Variants in WIPI2 observed in about 807,000 individuals in gnomAD.
The protein encoded by WIPI2 is WD repeat domain phosphoinositide-interacting protein 2.
WIPI2 carries 28 observed loss-of-function variants against 52.3 expected under a neutral mutation model. The observed-to-expected ratio is 0.54, with a 90% CI of 0.40 to 0.73. The LOEUF (loss-of-function observed/expected upper bound fraction) is 0.73. Among genes scored for constraint, WIPI2 ranks in the 30% least tolerant of loss-of-function variants. The pLI is 0.00. For synonymous variants in WIPI2, 268 were observed against 245.0 expected, an observed-to-expected ratio of 1.09 and a Z score of -0.88; for missense variants, 506 against 602.9, an observed-to-expected ratio of 0.84 and a Z score of 1.68.
chr7:5,216,592 G>A lies in WIPI2; in HGVS notation c.411G>A (p.Leu137=). 1.9e-6 allele frequency: 3 copies of A among 1,614,182 alleles called. No homozygotes were observed. Among genetic ancestry groups the A allele is most frequent in the South Asian group, 1.1e-5 (1 of 91,082 alleles). The change falls in exon 5 of 13, where the codon CTG becomes CTA. Residue 137 remains leucine, a synonymous_variant. Transcript: ENST00000288828. ...TGATAGTATGCCTGGAGGAGTCCCT[G>A]TACATCCACAACATTCGGGACATGA... is the stretch of plus-strand genomic sequence containing the variant. ...QRLIVCLEES[L]YIHNIRDMKV...
At chr7:5,209,077 C>G (rs1180062697) in intron 3 of WIPI2, among the ~76,000 whole-genome samples, 1 of 103,332 alleles carries the variant, frequency 9.7e-6, no homozygotes, top group East Asian at 3.0e-4. Flanking sequence ...ATTCCTAATA[C>G]TTTGGATTTT....
Position 5,231,615 on chromosome 7 carries a change from TAAA to T in WIPI2, c.*671_*673del, listed in dbSNP as rs1783727321. 1 of 152,404 alleles carries T rather than the reference TAAA, an allele frequency of 6.6e-6. No individual in the cohort carries two copies. Among genetic ancestry groups the T allele is most frequent in the African/African-American group, 2.4e-5 (1 of 41,478 alleles). The allele number at this position is 152,404 out of a possible 1,614,324, so 9.4% of individuals were successfully genotyped here. A position where few individuals can be genotyped will look rare whatever the true frequency, so the allele number is the denominator to read the frequency against. ...AGGACAGCGAGGTTCTTTCTGATAC[TAAA>T]AACCTTTCTTTCAGGCAGCAAATGA... On this transcript the variant is annotated 3_prime_UTR_variant, in exon 13 of 13. Coordinates refer to ENST00000288828, the MANE Select transcript of WIPI2 (RefSeq NM_015610.4).
rs115752129 is a variant in WIPI2 at position 5,226,929 on chromosome 7, C to T, written c.849-251C>T. On this transcript the variant is annotated intron_variant, in intron 9 of 12. Coordinates refer to ENST00000288828, the MANE Select transcript of WIPI2 (RefSeq NM_015610.4). The stretch of plus-strand genomic sequence containing the variant: ...AAAGGGGATGTGTGGTCAGCTGCCA[C>T]GTCTTGTCCGTGGCCAAAGGCTGTA... 1.4e-3 allele frequency: 701 copies of T among 509,084 alleles called. 7 individuals carry two copies. The highest frequency in any genetic ancestry group is 0.011 in the African/African-American group (557 of 51,926). 31.5% of individuals were successfully genotyped at this position (509,084 alleles called of 1,614,324 possible).
chr7:5,230,999 G>T lies in WIPI2; in HGVS notation c.*52G>T. ...GAGCAGAGAACACTGGCTTCACAGA[G>T]GACTTTGTGCATTGCTGCTATGAAC... On this transcript the variant is annotated 3_prime_UTR_variant, in exon 13 of 13. Coordinates refer to ENST00000288828, the MANE Select transcript of WIPI2 (RefSeq NM_015610.4). The surrounding 1 kb of genome is among the most constrained non-coding windows in gnomAD (Gnocchi z 4.8). 1 of 1,519,530 alleles carries T rather than the reference G, an allele frequency of 6.6e-7. No homozygotes were observed. The highest frequency in any genetic ancestry group is 9.0e-7 in the Non-Finnish European group (1 of 1,113,166). The allele number at this position is 1,519,530 out of a possible 1,614,324, so 94.1% of individuals were successfully genotyped here. A position where few individuals can be genotyped will look rare whatever the true frequency, so the allele number is the denominator to read the frequency against.
intron 4 of WIPI2, 27 bp downstream of exon 4, chr7:5,214,731 G>A: frequency 6.2e-7 from 1 of 1,611,412 alleles, no homozygotes; most frequent in Non-Finnish European, 8.5e-7. Context: ...CTGGGTGTGG[G>A]CTTGTCTGTT....
chr7:5,191,030 T>A (rs1310471710), intron 1 of WIPI2, among the ~76,000 whole-genome samples: 1 of 152,052 alleles, frequency 6.6e-6, no homozygotes, highest in Non-Finnish European at 1.5e-5. Flanking sequence ...TGGGGTTTGT[T>A]TTGTTTTGAG....
intron 2 of WIPI2, among the ~76,000 whole-genome samples, chr7:5,194,405 T>G (rs1369271866): frequency 6.6e-6 from 1 of 152,190 alleles, no homozygotes; most frequent in Non-Finnish European, 1.5e-5. Context: ...GACTGACGAT[T>G]AGGGAAGGGG....
At chr7:5,216,432 C>CA in intron 4 of WIPI2, 131 bp from the exon 5 acceptor site, 1 of 742,716 alleles carries the variant, frequency 1.3e-6, no homozygotes, top group Non-Finnish European at 2.2e-6. Context: ...ACACTGACTC[C>CA]AAAAAAATAA....
At chr7:5,226,234 CGACAAAAGCG>C in intron 9 of WIPI2, 1 of 335,446 alleles carries the variant, frequency 3.0e-6, no homozygotes, top group South Asian at 3.7e-5. Flanking sequence ...GTTCCCCTCA[CGACAAAAGCG>C]TTTGTGATCA....
Position 5,227,149 on chromosome 7 carries a change from G to A in WIPI2, c.849-31G>A. On this transcript the variant is annotated intron_variant, in intron 9 of 12. Transcript: ENST00000288828. The surrounding 1 kb of genome is among the most constrained non-coding windows in gnomAD (Gnocchi z 8.1). ...TGGCCGTCCCCCCAGGGAGGGTGCA[G>A]CTTCATGTGTCTGGTGGCCTTTCCT... The A allele has an allele frequency of 6.2e-7, 1 of 1,613,064 alleles. No individual in the cohort carries two copies. The highest frequency in any genetic ancestry group is 8.5e-7 in the Non-Finnish European group (1 of 1,179,736).
chr7:5,205,343 C>T (rs551757245), intron 3 of WIPI2, among the ~76,000 whole-genome samples: 2 of 152,332 alleles, frequency 1.3e-5, no homozygotes, highest in African/African-American at 4.8e-5. Context: ...TTCATTTCTG[C>T]CTTTTGCAGA....
intron 2 of WIPI2, among the ~76,000 whole-genome samples, chr7:5,198,017 G>C (rs1373397162): frequency 6.6e-6 from 1 of 152,212 alleles, no homozygotes; most frequent in Non-Finnish European, 1.5e-5. Context: ...TGCTGGGAGG[G>C]GCTGCTGAGC....
chr7:5,221,872 A>G (rs1050539589), intron 7 of WIPI2, among the ~76,000 whole-genome samples: 1 of 152,172 alleles, frequency 6.6e-6, no homozygotes, highest in Non-Finnish European at 1.5e-5. Flanking sequence ...TTAAAGTGGC[A>G]GGAAAGACCT....
At position 5,217,016 on chromosome 7, in the gene WIPI2, T is replaced by C. The variant is rs921307270; in HGVS notation, c.479-74T>C. ...TCCTAATGCTCTGTTAAATGAATGC[T>C]GAATTATGTCTGACATCCAAGAAGG... On this transcript the variant is annotated intron_variant, in intron 5 of 12. Coordinates refer to ENST00000288828, the MANE Select transcript of WIPI2 (RefSeq NM_015610.4). 3 of 1,414,104 alleles carry C rather than the reference T, an allele frequency of 2.1e-6. No individual in the cohort carries two copies. The African/African-American group carries it at 4.2e-5, about 20-fold the overall frequency. The allele number at this position is 1,414,104 out of a possible 1,614,324, so 87.6% of individuals were successfully genotyped here. A position where few individuals can be genotyped will look rare whatever the true frequency, so the allele number is the denominator to read the frequency against.
intron 3 of WIPI2, among the ~76,000 whole-genome samples, chr7:5,205,045 G>A (rs773108537): frequency 4.6e-5 from 7 of 151,188 alleles, no homozygotes; most frequent in Non-Finnish European, 8.9e-5. Flanking sequence ...GTGAGATCTC[G>A]GCTCACTGCA....
In WIPI2 at chr7:5,217,072, T is replaced by A; in HGVS notation, c.479-18T>A. ...TCAGGTGGAAGTTTGCATCTCGTCC[T>A]CCGTGTGTCATTTGCAGGCCTGTGT... is the stretch of plus-strand genomic sequence containing the variant. On this transcript the variant is annotated intron_variant, in intron 5 of 12. Transcript: ENST00000288828. The A allele has an allele frequency of 6.2e-7, 1 of 1,600,908 alleles. No individual in the cohort carries two copies. The highest frequency in any genetic ancestry group is 8.6e-7 in the Non-Finnish European group (1 of 1,169,186).
At chr7:5,214,017 G>A (rs566274986) in intron 3 of WIPI2, among the ~76,000 whole-genome samples, 20 of 152,278 alleles carry the variant, frequency 1.3e-4, no homozygotes, top group Admixed American at 2.0e-4. Context: ...GTATGTCAGC[G>A]TTTTGTGACA....
At chr7:5,196,839 T>C (rs563375468) in intron 2 of WIPI2, among the ~76,000 whole-genome samples, 37 of 152,058 alleles carry the variant, frequency 2.4e-4, no homozygotes, top group African/African-American at 8.7e-4. Context: ...AGGCCGGGCA[T>C]GGTGGCTCAC....
chr7:5,226,860 A>G, intron 9 of WIPI2: 1 of 253,880 alleles, frequency 3.9e-6, no homozygotes, highest in Non-Finnish European at 7.4e-6. Context: ...ACAGAGACCT[A>G]GCAGGGGTCA....
Sources: allele counts gnomAD v4.1 joint callset (sites outside exome capture counted in the v4.1 genomes callset), GRCh38; gene constraint gnomAD v4.1.1; non-coding constraint Gnocchi (gnomAD v3.1); transcripts MANE v1.5; gene names NCBI Gene and HGNC (gene_info 2026-07-23, HGNC 2026-07-21).